The following SLC26A8 variants were observed in gnomAD, a reference collection of about 807,000 sequenced individuals.
The protein encoded by SLC26A8 is solute carrier family 26 member 8, also known as testis anion transporter 1.
In SLC26A8, 70 loss-of-function variants were observed where a neutral mutation model predicts 105.0. The observed-to-expected ratio is 0.67, with a 90% CI of 0.55 to 0.81. The LOEUF is 0.81. SLC26A8 is among the 40% of genes least tolerant of loss of function. The pLI, the probability that SLC26A8 is intolerant of heterozygous loss-of-function variation, is 0.00. For synonymous variants in SLC26A8, 415 were observed against 438.3 expected, an observed-to-expected ratio of 0.95 and a Z score of 0.66; for missense variants, 998 against 1,181.8, an observed-to-expected ratio of 0.84 and a Z score of 2.28.
intron 7 of SLC26A8, among the ~76,000 whole-genome samples, chr6:35,984,695 A>G (rs919386794): frequency 6.6e-6 from 1 of 151,868 alleles, no homozygotes; most frequent in Non-Finnish European, 1.5e-5. Flanking sequence ...CATTCTTTGC[A>G]CTCTCACTTC....
chr6:36,000,170 C>A (rs865816582), intron 3 of SLC26A8, 62 bp from the exon 4 acceptor site: 1 of 1,054,720 alleles, frequency 9.5e-7, no homozygotes, highest in Middle Eastern at 2.0e-4. Context: ...TAAATAAAAA[C>A]TGTAAAGAAT....
intron 12 of SLC26A8, among the ~76,000 whole-genome samples, chr6:35,962,118 C>T (rs1013945806): frequency 1.3e-5 from 2 of 151,176 alleles, no homozygotes; most frequent in African/African-American, 2.4e-5. Context: ...CCCAGCTACT[C>T]GGGAGGCTGA....
At chr6:36,022,744 A>C (rs1464952306) in intron 1 of SLC26A8, among the ~76,000 whole-genome samples, 1 of 151,912 alleles carries the variant, frequency 6.6e-6, no homozygotes, top group African/African-American at 2.4e-5. Flanking sequence ...ATTTTTTTTA[A>C]GTAATTTTCT....
At chr6:36,022,344 T>C (rs941174618) in intron 1 of SLC26A8, among the ~76,000 whole-genome samples, 3 of 152,212 alleles carry the variant, frequency 2.0e-5, no homozygotes. Flanking sequence ...AGTGTTATGT[T>C]CTAGAGCTGA....
At chr6:36,011,125 C>G (rs1581695875) in intron 3 of SLC26A8, among the ~76,000 whole-genome samples, 2 of 152,128 alleles carry the variant, frequency 1.3e-5, no homozygotes, top group African/African-American at 4.8e-5. Context: ...GAACTATAAA[C>G]TACTGTGAGT....
chr6:36,014,575 A>G (rs1441447838), intron 2 of SLC26A8, among the ~76,000 whole-genome samples: 5 of 148,992 alleles, frequency 3.4e-5, no homozygotes, highest in East Asian at 2.0e-4. Context: ...AGATTATTTC[A>G]TTTACATTAA....
intron 7 of SLC26A8, among the ~76,000 whole-genome samples, chr6:35,988,841 G>GTT (rs56822307): frequency 5.5e-4 from 71 of 128,354 alleles, no homozygotes; most frequent in Middle Eastern, 4.0e-3. Context: ...GTTCTATACG[G>GTT]TTTTTTTTTT....
intron 9 of SLC26A8, 61 bp downstream of exon 9, chr6:35,977,143 G>T: frequency 6.5e-7 from 1 of 1,546,598 alleles, no homozygotes; most frequent in Non-Finnish European, 8.8e-7. Context: ...CTTCATGTTG[G>T]CAGGAGGCTT....
intron 2 of SLC26A8, among the ~76,000 whole-genome samples, chr6:36,018,559 GA>G (rs1460984548): frequency 6.6e-6 from 1 of 152,170 alleles, no homozygotes; most frequent in Non-Finnish European, 1.5e-5. Context: ...TTGAGGTGAT[GA>G]AAAAGTTTTG....
In SLC26A8 at chr6:36,000,107, G is replaced by A. The variant is rs752228261; in HGVS notation, c.330C>T (p.Gly110=). 6.2e-7 allele frequency: 1 copy of A among 1,604,790 alleles called. No individual in the cohort carries two copies. Among genetic ancestry groups the A allele is most frequent in the South Asian group, 1.1e-5 (1 of 90,640 alleles). ...ISVGLVQVPQ[G]LTLSLLARQL... ...GCCTTGCCAGCAAACTAAGTGTCAG[G>A]CCTGAAAAACAAGATAATTTAAGAA... Residue 110 remains glycine (G), a splice_region_variant and synonymous_variant, in exon 4 of 20, where the codon GGC becomes GGT. Transcript: ENST00000490799.
chr6:36,007,934 C>T (rs1172482929), intron 3 of SLC26A8, among the ~76,000 whole-genome samples: 1 of 151,102 alleles, frequency 6.6e-6, no homozygotes, highest in African/African-American at 2.4e-5. Context: ...TCCTGGCTAA[C>T]GCGGTGAAAC....
At chr6:35,976,614 C>T (rs951994336) in intron 9 of SLC26A8, among the ~76,000 whole-genome samples, 4 of 147,026 alleles carry the variant, frequency 2.7e-5, no homozygotes, top group Non-Finnish European at 4.4e-5. Context: ...GGTCTCGGCT[C>T]GCTGCAAGTT....
At chr6:35,969,046 A>C in intron 10 of SLC26A8, 92 bp from the exon 11 acceptor site, 2 of 1,124,960 alleles carry the variant, frequency 1.8e-6, no homozygotes, top group South Asian at 2.7e-5. Flanking sequence ...GAAGCATGTC[A>C]ATTTTTCTTA....
intron 5 of SLC26A8, among the ~76,000 whole-genome samples, chr6:35,993,761 C>T (rs1447714858): frequency 6.6e-6 from 1 of 152,104 alleles, no homozygotes; most frequent in African/African-American, 2.4e-5. Context: ...TGTGGTGGCT[C>T]ATGCCTGTAA....
At chr6:36,000,164 TA>T (rs1334039467) in intron 3 of SLC26A8, 56 bp from the exon 4 acceptor site, 53 of 1,077,796 alleles carry the variant, frequency 4.9e-5, no homozygotes, top group Non-Finnish European at 7.4e-5. Flanking sequence ...TCACCTTAAA[TA>T]AAAACTGTAA....
At chr6:35,994,111 C>CTTTT (rs759838239) in intron 5 of SLC26A8, among the ~76,000 whole-genome samples, 6 of 118,510 alleles carry the variant, frequency 5.1e-5, no homozygotes, top group African/African-American at 6.2e-5. Context: ...CTTTTTTTTT[C>CTTTT]TTTTCTTTTT....
intron 19 of SLC26A8, among the ~76,000 whole-genome samples, chr6:35,947,715 G>A (rs999551204): frequency 6.6e-6 from 1 of 152,074 alleles, no homozygotes; most frequent in South Asian, 2.1e-4. Flanking sequence ...TGGATTGCTG[G>A]AGCCCAGGAG....
rs201547554 is a variant in SLC26A8, at chr6:35,943,977, G to A, written c.2836C>T (p.Arg946Trp). ...MASTQSQTQT[R>W]TWSVERRRHP... is the part of the protein sequence containing the mutation. ...CGTCTCCTCTCCACTGACCATGTCC[G>A]AGTCTGAGTCTGAGACTGGGTGGAA... The change falls in exon 20 of 20, where the codon CGG becomes TGG. Residue 946 changes from arginine (R) to tryptophan (W), a missense_variant. Arg to Trp is a moderately radical substitution (Grantham distance 101). Transcript: ENST00000490799. The A allele has an allele frequency of 5.0e-5, 80 of 1,614,058 alleles. No homozygotes were observed. The African/African-American group carries it at 5.7e-4, about 12-fold the overall frequency.
intron 7 of SLC26A8, among the ~76,000 whole-genome samples, chr6:35,987,191 C>T (rs1282178044): frequency 2.0e-5 from 3 of 152,148 alleles, no homozygotes; most frequent in East Asian, 1.9e-4. Context: ...AGAGGATAGA[C>T]CTGGATTAGT....
Sources: allele counts gnomAD v4.1 joint callset (sites outside exome capture counted in the v4.1 genomes callset), GRCh38; gene constraint gnomAD v4.1.1; transcripts MANE v1.5; gene names NCBI Gene and HGNC (gene_info 2026-07-23, HGNC 2026-07-21).